Variants in PDE1C observed in about 807,000 individuals in gnomAD.
PDE1C encodes the protein phosphodiesterase 1C, also known as dual specificity calcium/calmodulin-dependent 3',5'-cyclic nucleotide phosphodiesterase 1C.
In PDE1C, 62 loss-of-function variants were observed where a neutral mutation model predicts 93.1. The observed-to-expected ratio is 0.67, with a 90% CI of 0.54 to 0.82. PDE1C has a LOEUF of 0.82. Ranked by LOEUF, PDE1C falls within the 40% of genes least tolerant of loss-of-function variation. The probability of loss-of-function intolerance (pLI) is 0.00; values close to 1 mark genes in which losing one functional copy is unlikely to be tolerated. For missense variants in PDE1C, 742 were observed against 884.6 expected (o/e 0.84, Z 2.04); for synonymous variants, 325 against 310.1 (o/e 1.05, Z -0.50).
chr7:32,317,045 G>A (rs78375286), intron 1 of PDE1C, among the ~76,000 whole-genome samples: 4,218 of 152,218 alleles, frequency 0.028, 116 homozygotes, highest in African/African-American at 0.065. Flanking sequence ...CTCCACACAC[G>A]CCTGAGGAAT....
At chr7:32,403,040 A>C (rs2128095947) in intron 1 of PDE1C, among the ~76,000 whole-genome samples, 1 of 152,260 alleles carries the variant, frequency 6.6e-6, no homozygotes, top group South Asian at 2.1e-4. Flanking sequence ...CACCCGAAAT[A>C]GAGGTGAGAG....
chr7:31,912,000 G>C (rs1160758), intron 2 of PDE1C, among the ~76,000 whole-genome samples: 115,240 of 152,028 alleles, frequency 0.76, 44,749 homozygotes, highest in Non-Finnish European at 0.84. Context: ...TCTCTGTTGT[G>C]CTGCTTCAGG....
At chr7:31,847,784 A>G (rs1235626033) in intron 9 of PDE1C, 184 bp downstream of exon 9, 2 of 596,724 alleles carry the variant, frequency 3.4e-6, no homozygotes, top group African/African-American at 1.9e-5. Flanking sequence ...CTGTATAAAG[A>G]AAAAAGAGAA....
chr7:31,985,855 A>G (rs1343498765), intron 2 of PDE1C, among the ~76,000 whole-genome samples: 5 of 152,268 alleles, frequency 3.3e-5, no homozygotes, highest in Middle Eastern at 3.4e-3. Flanking sequence ...AGTCTTTGCT[A>G]TTGTGAATAG....
chr7:32,124,457 T>C (rs11976107), intron 3 of PDE1C, among the ~76,000 whole-genome samples: 20,164 of 152,100 alleles, frequency 0.13, 2,463 homozygotes, highest in African/African-American at 0.32. Flanking sequence ...CAAACTATAC[T>C]ACAAGGCTAC....
In PDE1C at chr7:32,056,320, T is replaced by TTCTCTCTCTCTCTCTC. The variant is rs10648394; in HGVS notation, c.102-4756_102-4741dup. The stretch of plus-strand genomic sequence containing the variant: ...TCTGTTCCCTGGAATGGGTCCACCG[T>TTCTCTCTCTCTCTCTC]TCTCTCTCTCTCTCTCTCTCTCTCT... On this transcript the variant is annotated intron_variant, in intron 1 of 17. Transcript: ENST00000396191. Among the ~76,000 whole-genome samples the TTCTCTCTCTCTCTCTC allele has an allele frequency of 2.0e-3, 224 of 111,096 alleles. 1 individual carries two copies. Among genetic ancestry groups the TTCTCTCTCTCTCTCTC allele is most frequent in the African/African-American group, 7.5e-3 (207 of 27,448 alleles). 72.9% of individuals were successfully genotyped at this position (111,096 alleles called of 152,430 possible). A position where few individuals can be genotyped will look rare whatever the true frequency, so the allele number is the denominator to read the frequency against.
Position 31,753,420 on chromosome 7 carries a change from C to G in PDE1C, c.2094G>C (p.Lys698Asn), listed in dbSNP as rs368205686. 1 of 1,612,260 alleles carries G rather than the reference C, an allele frequency of 6.2e-7. No homozygotes were observed. The highest frequency in any genetic ancestry group is 1.3e-5 in the African/African-American group (1 of 74,906). Residue 698 changes from lysine to asparagine, a missense_variant, in exon 18 of 18, where the codon AAG (lysine) becomes AAC (asparagine). This residue lies in a region of PDE1C where 454 missense variants were observed against 459.4 expected (regional missense o/e 0.99). Coordinates refer to ENST00000396191, the MANE Select transcript of PDE1C (RefSeq NM_001191057.4). Reference sequence around the variant, plus strand: ...TCCAGTTATGTGAGATGTTCTGAATCTTTTTCATTTTGATCCTCTGATCCA... The same window carrying G: ...TCCAGTTATGTGAGATGTTCTGAATGTTTTTCATTTTGATCCTCTGATCCA... ...KMLDQRIKMKKIQNISHNWNR... is the reference protein window; with the variant it reads ...KMLDQRIKMKNIQNISHNWNR...
At chr7:31,652,259 T>A in the PDE1C span, among the ~76,000 whole-genome samples, 4 of 152,194 alleles carry the variant, frequency 2.6e-5, no homozygotes. Context: ...TCACCTGTCA[T>A]ACCAATCTTC....
At chr7:31,690,771 A>G in the PDE1C span, among the ~76,000 whole-genome samples, 1 of 152,192 alleles carries the variant, frequency 6.6e-6, no homozygotes, top group Non-Finnish European at 1.5e-5. Flanking sequence ...AGTAGATAGT[A>G]AGTGCGTGGC....
chr7:31,880,932 C>T lies in PDE1C; in HGVS notation c.129-72G>A, dbSNP rs1583759104. Reference sequence around the variant, plus strand: ...GAATAATCCTACAACTATGGTGATACATTTTACAGTCATCGAATATTCTCA... The same window carrying T: ...GAATAATCCTACAACTATGGTGATATATTTTACAGTCATCGAATATTCTCA... On this transcript the variant is annotated intron_variant, in intron 2 of 17. Coordinates refer to ENST00000396191, the MANE Select transcript of PDE1C (RefSeq NM_001191057.4). The T allele has an allele frequency of 5.4e-6, 5 of 931,254 alleles. No homozygotes were observed. The East Asian group carries it at 1.2e-4, about 23-fold the overall frequency. The allele number at this position is 931,254 out of a possible 1,614,324, so 57.7% of individuals were successfully genotyped here.
intron 3 of PDE1C, among the ~76,000 whole-genome samples, chr7:32,160,961 G>A (rs1331391010): frequency 4.6e-5 from 7 of 152,122 alleles, no homozygotes; most frequent in Non-Finnish European, 1.5e-5. Flanking sequence ...ATTTTCAACA[G>A]CATTACTCTT....
chr7:32,360,466 CTGACT>C (rs553848304), intron 1 of PDE1C, among the ~76,000 whole-genome samples: 4 of 88,780 alleles, frequency 4.5e-5, no homozygotes, highest in African/African-American at 1.2e-4. Context: ...CCTGTGTGAT[CTGACT>C]TCAAAGGGAA....
intron 1 of PDE1C, among the ~76,000 whole-genome samples, chr7:32,229,583 A>T (rs1439571593): frequency 6.6e-6 from 1 of 152,220 alleles, no homozygotes; most frequent in Non-Finnish European, 1.5e-5. Flanking sequence ...GTTCATATCA[A>T]GTTCTTCAGA....
intron 2 of PDE1C, among the ~76,000 whole-genome samples, chr7:31,883,892 G>A (rs1037396302): frequency 1.3e-5 from 2 of 152,210 alleles, no homozygotes; most frequent in Non-Finnish European, 2.9e-5. Context: ...GTGGTGCCAG[G>A]CAGACATTAG....
the PDE1C span, among the ~76,000 whole-genome samples, chr7:31,716,727 T>C: frequency 5.9e-5 from 9 of 152,188 alleles, no homozygotes; most frequent in South Asian, 1.2e-3. Context: ...TTATAAATAA[T>C]TGAAAGAAGG....
chr7:31,732,217 G>C, the PDE1C span, among the ~76,000 whole-genome samples: 1 of 152,196 alleles, frequency 6.6e-6, no homozygotes, highest in Admixed American at 6.5e-5. Context: ...GGTGGTACCA[G>C]CTGAATTATG....
At chr7:31,827,954 T>C (rs1209037444) in intron 12 of PDE1C, among the ~76,000 whole-genome samples, 1 of 152,098 alleles carries the variant, frequency 6.6e-6, no homozygotes, top group East Asian at 1.9e-4. Context: ...AATGCCTTGT[T>C]AGCTTACAGT....
intron 2 of PDE1C, among the ~76,000 whole-genome samples, chr7:32,003,708 G>A (rs1356337651): frequency 6.6e-6 from 1 of 152,170 alleles, no homozygotes. Flanking sequence ...TGCCTCTACA[G>A]AGACTGTAGA....
At chr7:31,870,325 T>C (rs1272054862) in intron 6 of PDE1C, among the ~76,000 whole-genome samples, 1 of 151,740 alleles carries the variant, frequency 6.6e-6, no homozygotes, top group Non-Finnish European at 1.5e-5. Flanking sequence ...GTTGTTTTTT[T>C]GAAAAGACAA....
Sources: allele counts gnomAD v4.1 joint callset (sites outside exome capture counted in the v4.1 genomes callset), GRCh38; gene constraint gnomAD v4.1.1; regional missense constraint gnomAD v4.1.1; transcripts MANE v1.5; gene names NCBI Gene and HGNC (gene_info 2026-07-23, HGNC 2026-07-21).